The following ITGA11 variants were observed in gnomAD, a reference collection of about 807,000 sequenced individuals.
ITGA11 encodes integrin subunit alpha 11.
In ITGA11, 97 loss-of-function variants were observed where a neutral mutation model predicts 141.9. The observed-to-expected ratio is 0.68, with a 90% CI of 0.58 to 0.81. The LOEUF is 0.81. Ranked by LOEUF, ITGA11 falls within the 30% of genes least tolerant of loss-of-function variation. ITGA11 has a pLI of 0.00. For synonymous variants in ITGA11, 658 were observed against 624.6 expected, an observed-to-expected ratio of 1.05 and a Z score of -0.80; for missense variants, 1,387 against 1,559.2, an observed-to-expected ratio of 0.89 and a Z score of 1.86.
chr15:68,364,851 C>T, intron 3 of ITGA11, 53 bp from the exon 4 acceptor site: 1 of 1,532,728 alleles, frequency 6.5e-7, no homozygotes, highest in Non-Finnish European at 9.0e-7. Context: ...CGCCCTCTGC[C>T]CAGAGCCTGC....
At chr15:68,404,477 C>A (rs1296429782) in intron 1 of ITGA11, among the ~76,000 whole-genome samples, 1 of 152,192 alleles carries the variant, frequency 6.6e-6, no homozygotes, top group African/African-American at 2.4e-5. Context: ...GGGCAAATCA[C>A]AAGAAACAAC....
chr15:68,312,712 CCAGGATGGGGGTGCT>C lies in ITGA11; in HGVS notation c.2973+46_2973+60del, dbSNP rs761132725. On this transcript the variant is annotated intron_variant, in intron 24 of 29. Transcript: ENST00000315757. ...AGCGATGATTCCACATTCCTCCCCTCCAGGATGGGGGTGCTCAGATCCCGTCCTTCCCCCTCTACC... is the reference window on the plus strand; with the variant it reads ...AGCGATGATTCCACATTCCTCCCCTCCAGATCCCGTCCTTCCCCCTCTACC... The C allele has an allele frequency of 2.6e-5, 33 of 1,272,710 alleles. No individual in the cohort carries two copies. The Middle Eastern group carries it at 7.1e-4, about 27-fold the overall frequency. The allele number at this position is 1,272,710 out of a possible 1,614,324, so 78.8% of individuals were successfully genotyped here. A position where few individuals can be genotyped will look rare whatever the true frequency, so the allele number is the denominator to read the frequency against.
At position 68,423,876 on chromosome 15, in the gene ITGA11, G is replaced by A. The variant is rs573695356; in HGVS notation, c.52+8139C>T. Among the ~76,000 whole-genome samples the A allele has an allele frequency of 3.3e-5, 5 of 152,098 alleles. No individual in the cohort carries two copies. In the South Asian group the frequency reaches 1.0e-3, roughly 32 times the overall value. ...TTGTCGGTGTCCCATCCTGAGTCAGGTGCTTCCTTCACCTGAACCCTCACT... is the reference window on the plus strand; with the variant it reads ...TTGTCGGTGTCCCATCCTGAGTCAGATGCTTCCTTCACCTGAACCCTCACT... On this transcript the variant is annotated intron_variant, in intron 1 of 29. Coordinates refer to ENST00000315757, the MANE Select transcript of ITGA11 (RefSeq NM_001004439.2).
intron 21 of ITGA11, among the ~76,000 whole-genome samples, chr15:68,316,368 C>A (rs1893576114): frequency 6.6e-6 from 1 of 152,228 alleles, no homozygotes; most frequent in Non-Finnish European, 1.5e-5. Flanking sequence ...CACCTGGGGG[C>A]ATTACTGAGG....
At chr15:68,365,844 G>A (rs575114566) in intron 3 of ITGA11, among the ~76,000 whole-genome samples, 1 of 152,098 alleles carries the variant, frequency 6.6e-6, no homozygotes, top group South Asian at 2.1e-4. Context: ...CGAGCAATGG[G>A]AGGAATAATT....
chr15:68,397,709 T>TTATATTTAAAATATTATATTTAAAA (rs1323501347), intron 2 of ITGA11, among the ~76,000 whole-genome samples: 7 of 50,720 alleles, frequency 1.4e-4, no homozygotes, highest in African/African-American at 7.4e-4. Context: ...ATTTAAAATA[T>TTATATTTAAAATATTATATTTAAAA]TATATTTAAA....
At position 68,307,750 on chromosome 15, in the gene ITGA11, G is replaced by A. The variant is rs568377831; in HGVS notation, c.3175-54C>T. 3 of 1,234,426 alleles carry A rather than the reference G, an allele frequency of 2.4e-6. No individual in the cohort carries two copies. The highest frequency in any genetic ancestry group is 3.6e-5 in the Admixed American group (2 of 55,096). 76.5% of individuals were successfully genotyped at this position (1,234,426 alleles called of 1,614,324 possible). ...AGCTGCTGGGCTAGGGGAGCAGGGG[G>A]CAGCAACACTGCTTGAACGACTGGG... On this transcript the variant is annotated intron_variant, in intron 26 of 29. Coordinates refer to ENST00000315757, the MANE Select transcript of ITGA11 (RefSeq NM_001004439.2). The surrounding 1 kb of genome is among the most constrained non-coding windows in gnomAD (Gnocchi z 6.1).
rs914840414 is a variant in ITGA11, at chr15:68,298,783, A to G, written c.*4276T>C. ...GCCACCTTCTGAAAACATTTCAGAC[A>G]CATCACTAAGTTGTTGCACATCTTT... On this transcript the variant is annotated 3_prime_UTR_variant, in exon 30 of 30. Transcript: ENST00000315757. The G allele has an allele frequency of 1.5e-4, 23 of 152,222 alleles. No individual in the cohort carries two copies. The highest frequency in any genetic ancestry group is 1.1e-3 in the Admixed American group (17 of 15,290). 9.4% of individuals were successfully genotyped at this position (152,222 alleles called of 1,614,324 possible).
intron 10 of ITGA11, among the ~76,000 whole-genome samples, chr15:68,341,669 CCTCT>C (rs929651484): frequency 1.3e-5 from 2 of 152,208 alleles, no homozygotes; most frequent in African/African-American, 4.8e-5. Context: ...TGCTTTCCTC[CCTCT>C]CTCTGCCTGT....
Position 68,326,885 on chromosome 15 carries a change from G to A in ITGA11, c.2069-89C>T. 7.0e-7 allele frequency: 1 copy of A among 1,420,700 alleles called. No homozygotes were observed. The highest frequency in any genetic ancestry group is 1.4e-5 in the South Asian group (1 of 70,324). 88.0% of individuals were successfully genotyped at this position (1,420,700 alleles called of 1,614,324 possible). A position where few individuals can be genotyped will look rare whatever the true frequency, so the allele number is the denominator to read the frequency against. ...CTCCTCCAGGAAGCCCCCCAGGCTG[G>A]CCAGGGGAGAGCTGTTCCTTTCCTC... On this transcript the variant is annotated intron_variant, in intron 16 of 29. Transcript: ENST00000315757. The surrounding 1 kb of genome is among the most constrained non-coding windows in gnomAD (Gnocchi z 6.8).
intron 14 of ITGA11, 120 bp from the exon 15 acceptor site, chr15:68,331,231 TC>T: frequency 2.3e-6 from 2 of 874,450 alleles, no homozygotes; most frequent in Non-Finnish European, 3.5e-6. Context: ...CCAAGAAGCT[TC>T]CCCAACCCAA....
intron 2 of ITGA11, among the ~76,000 whole-genome samples, chr15:68,386,684 C>G (rs1041981988): frequency 6.6e-6 from 1 of 152,218 alleles, no homozygotes; most frequent in Non-Finnish European, 1.5e-5. Flanking sequence ...CCTGCTCCAC[C>G]AGGATCCCCT....
chr15:68,426,933 T>G (rs113636649), intron 1 of ITGA11, among the ~76,000 whole-genome samples: 1 of 145,940 alleles, frequency 6.9e-6, no homozygotes, highest in African/African-American at 2.5e-5. Context: ...AAGAATCACT[T>G]GAACCTGGGA....
chr15:68,402,244 A>G (rs1253548683), intron 2 of ITGA11, among the ~76,000 whole-genome samples: 1 of 152,012 alleles, frequency 6.6e-6, no homozygotes, highest in Admixed American at 6.5e-5. Flanking sequence ...AGTGGGGAGG[A>G]GGATGACTAA....
At chr15:68,404,388 CTGTT>C (rs987029845) in intron 1 of ITGA11, among the ~76,000 whole-genome samples, 2 of 152,186 alleles carry the variant, frequency 1.3e-5, no homozygotes, top group Non-Finnish European at 2.9e-5. Context: ...AGGGTCGCCC[CTGTT>C]TGTTTAAGTC....
At chr15:68,414,010 G>T (rs1896833969) in intron 1 of ITGA11, among the ~76,000 whole-genome samples, 1 of 152,138 alleles carries the variant, frequency 6.6e-6, no homozygotes, top group Non-Finnish European at 1.5e-5. Flanking sequence ...TCCTGCCCTG[G>T]CTGGGGCTTC....
intron 6 of ITGA11, among the ~76,000 whole-genome samples, chr15:68,358,207 C>G (rs750832973): frequency 2.6e-5 from 4 of 152,184 alleles, no homozygotes; most frequent in Non-Finnish European, 4.4e-5. Context: ...TTTAGCTTGT[C>G]TAAGTCTTCA....
chr15:68,335,783 G>A lies in ITGA11; in HGVS notation c.1339C>T (p.Arg447Trp), dbSNP rs747868028. The change falls in exon 12 of 30, where the codon CGG becomes TGG. Residue 447 changes from arginine to tryptophan, a missense_variant. Coordinates refer to ENST00000315757, the MANE Select transcript of ITGA11 (RefSeq NM_001004439.2). This position sits in a 1 kb window ranked among gnomAD's most constrained non-coding sequence, Gnocchi z 4.9. ...ATGACCTTGCCCGTGTGGTTGAACC[G>A]GGGGGCTCCGGCCACGTACACCCGC... ...QGRVYVAGAP[R>W]FNHTGKVILF... 1.1e-5 allele frequency: 18 copies of A among 1,613,312 alleles called. No homozygotes were observed. Among genetic ancestry groups the A allele is most frequent in the African/African-American group, 2.7e-5 (2 of 74,940 alleles).
chr15:68,384,854 C>T (rs989489696), intron 2 of ITGA11, among the ~76,000 whole-genome samples: 1 of 151,132 alleles, frequency 6.6e-6, no homozygotes, highest in Non-Finnish European at 1.5e-5. Flanking sequence ...AAGGCTTCCA[C>T]AGCAACAACC....
Sources: allele counts gnomAD v4.1 joint callset (sites outside exome capture counted in the v4.1 genomes callset), GRCh38; gene constraint gnomAD v4.1.1; non-coding constraint Gnocchi (gnomAD v3.1); transcripts MANE v1.5; gene names NCBI Gene and HGNC (gene_info 2026-07-23, HGNC 2026-07-21).